Variants in ZNF644 observed in about 807,000 individuals in gnomAD.
ZNF644 encodes the protein zinc finger protein 644, also known as zinc finger motif enhancer binding protein 2.
In ZNF644, 20 loss-of-function variants were observed where a neutral mutation model predicts 108.0. The ratio of observed to expected loss-of-function variants is 0.19; its 90% CI spans 0.13 to 0.27. The LOEUF (loss-of-function observed/expected upper bound fraction) is 0.27. Ranked by LOEUF, ZNF644 falls within the 10% of genes least tolerant of loss-of-function variation. ZNF644 has a pLI of 1.00. For synonymous variants in ZNF644, 542 were observed against 539.1 expected, an observed-to-expected ratio of 1.01 and a Z score of -0.08; for missense variants, 1,338 against 1,548.9, an observed-to-expected ratio of 0.86 and a Z score of 2.29.
rs536335393 is a variant in ZNF644 at position 90,952,519 on chromosome 1, A to G, written c.45-11210T>C. Among the ~76,000 whole-genome samples, 401 of 152,338 alleles carry G rather than the reference A, an allele frequency of 2.6e-3. 1 individual carries two copies. The highest frequency in any genetic ancestry group is 4.1e-3 in the Non-Finnish European group (282 of 68,032). On this transcript the variant is annotated intron_variant, in intron 2 of 5. Transcript: ENST00000337393. ...TTATAAAATCTGAGAATGTATTACA[A>G]TGACCACTGAGAAGCTTCCAACAGA...
chr1:90,999,604 C>A (rs983266586), intron 1 of ZNF644, among the ~76,000 whole-genome samples: 17 of 152,136 alleles, frequency 1.1e-4, no homozygotes, highest in Non-Finnish European at 2.2e-4. Context: ...TAAAGACCAT[C>A]GATGCAAGGA....
chr1:90,968,149 G>A (rs968197589), intron 2 of ZNF644, among the ~76,000 whole-genome samples: 2 of 150,214 alleles, frequency 1.3e-5, no homozygotes, highest in Non-Finnish European at 3.0e-5. Flanking sequence ...AATAGAAATT[G>A]TCATTATACA....
intron 1 of ZNF644, among the ~76,000 whole-genome samples, chr1:91,014,997 G>A (rs988198347): frequency 1.3e-5 from 2 of 152,106 alleles, no homozygotes; most frequent in Non-Finnish European, 2.9e-5. Flanking sequence ...AAAGAATATA[G>A]TAGATGCTTA....
chr1:90,961,000 C>G (rs1032666216), intron 2 of ZNF644, among the ~76,000 whole-genome samples: 13 of 150,248 alleles, frequency 8.7e-5, no homozygotes, highest in Admixed American at 6.6e-5. Context: ...TCACTACAGA[C>G]CTACACTAAA....
At chr1:90,998,883 G>A (rs61799225) in intron 1 of ZNF644, among the ~76,000 whole-genome samples, 4,363 of 152,282 alleles carry the variant, frequency 0.029, 102 homozygotes, top group Middle Eastern at 0.099. Context: ...ACCATGGCAC[G>A]AGAACTACGT....
intron 1 of ZNF644, among the ~76,000 whole-genome samples, chr1:90,982,932 T>TC (rs540283302): frequency 8.6e-4 from 131 of 152,070 alleles, no homozygotes; most frequent in African/African-American, 2.9e-3. Flanking sequence ...GTATCAATAC[T>TC]CCCCATCTTC....
At chr1:90,996,769 G>C (rs544127332) in intron 1 of ZNF644, among the ~76,000 whole-genome samples, 1 of 152,164 alleles carries the variant, frequency 6.6e-6, no homozygotes, top group African/African-American at 2.4e-5. Context: ...CACAGAGCCA[G>C]GCCCCACTGC....
At chr1:91,006,006 C>T (rs1322524988) in intron 1 of ZNF644, among the ~76,000 whole-genome samples, 1 of 151,748 alleles carries the variant, frequency 6.6e-6, no homozygotes, top group African/African-American at 2.4e-5. Flanking sequence ...AAACCTTTAG[C>T]TCAACTAAGA....
In ZNF644 at chr1:90,940,910, T is replaced by A. The variant is rs1156747018; in HGVS notation, c.444A>T (p.Thr148=). 1 of 1,614,096 alleles carries A rather than the reference T, an allele frequency of 6.2e-7. No individual in the cohort carries two copies. The highest frequency in any genetic ancestry group is 1.6e-4 in the Middle Eastern group (1 of 6,062). The change falls in exon 3 of 6, where the codon ACA becomes ACT. Residue 148 remains threonine, a synonymous_variant. Transcript: ENST00000337393. ...CCTTCAAAGTTGAACAAGATTCTGT[T>A]GTTGGCTGATCCACAGGCTGTCCAG... The part of the protein sequence containing the change: ...LTTGQPVDQP[T]TESCSTLKVA...
chr1:90,916,567 C>G lies in ZNF644; in HGVS notation c.*231G>C. The G allele has an allele frequency of 1.9e-6, 1 of 532,254 alleles. No homozygotes were observed. The highest frequency in any genetic ancestry group is 3.3e-6 in the Non-Finnish European group (1 of 299,426). The allele number at this position is 532,254 out of a possible 1,614,324, so 33.0% of individuals were successfully genotyped here. ...GTACTGCTCTTTTACTGAGTGAACA[C>G]AGTTAACCAACAAAACTTCATAAAC... On this transcript the variant is annotated 3_prime_UTR_variant, in exon 6 of 6. Coordinates refer to ENST00000337393, the MANE Select transcript of ZNF644 (RefSeq NM_201269.3).
intron 2 of ZNF644, among the ~76,000 whole-genome samples, chr1:90,964,345 T>C (rs1254502156): frequency 1.3e-5 from 2 of 152,144 alleles, no homozygotes; most frequent in African/African-American, 4.8e-5. Flanking sequence ...TTTTCTCACA[T>C]TTAGACAAAG....
intron 4 of ZNF644, among the ~76,000 whole-genome samples, chr1:90,927,360 C>T (rs773144413): frequency 1.2e-4 from 18 of 152,008 alleles, no homozygotes; most frequent in African/African-American, 3.6e-4. Context: ...AAAAATCAGC[C>T]GATCATTTTT....
rs1648803343 is a variant in ZNF644, at chr1:90,916,692, T to C, written c.*106A>G. The stretch of plus-strand genomic sequence containing the variant: ...GTCACTGTAATTCACTTTCCCCCCA[T>C]TTTCCTGCTTTAGTATTTATAAACA... On this transcript the variant is annotated 3_prime_UTR_variant, in exon 6 of 6. Transcript: ENST00000337393. 1 of 1,267,900 alleles carries C rather than the reference T, an allele frequency of 7.9e-7. No individual in the cohort carries two copies. Among genetic ancestry groups the C allele is most frequent in the Non-Finnish European group, 1.1e-6 (1 of 889,056 alleles). The allele number at this position is 1,267,900 out of a possible 1,614,324, so 78.5% of individuals were successfully genotyped here.
At chr1:90,999,062 C>T (rs865835829) in intron 1 of ZNF644, among the ~76,000 whole-genome samples, 5 of 152,142 alleles carry the variant, frequency 3.3e-5, no homozygotes, top group East Asian at 1.9e-4. Flanking sequence ...CAAATCTACG[C>T]CTGATTGGTG....
chr1:90,999,769 C>T (rs1396101327), intron 1 of ZNF644, among the ~76,000 whole-genome samples: 1 of 152,176 alleles, frequency 6.6e-6, no homozygotes, highest in East Asian at 1.9e-4. Flanking sequence ...CAAGACCCAT[C>T]AGTGTGCTGT....
chr1:91,003,760 G>A (rs1322165676), intron 1 of ZNF644, among the ~76,000 whole-genome samples: 1 of 152,048 alleles, frequency 6.6e-6, no homozygotes, highest in African/African-American at 2.4e-5. Flanking sequence ...TCACAAAACT[G>A]TCCCTGAGGA....
At chr1:91,007,255 A>G (rs1351519945) in intron 1 of ZNF644, among the ~76,000 whole-genome samples, 1 of 45,866 alleles carries the variant, frequency 2.2e-5, no homozygotes, top group Non-Finnish European at 3.7e-5. Context: ...TTTTTTTTTG[A>G]GACAGTGTCT....
intron 1 of ZNF644, among the ~76,000 whole-genome samples, chr1:90,999,051 C>G (rs1247711391): frequency 2.0e-5 from 3 of 152,124 alleles, no homozygotes; most frequent in Non-Finnish European, 4.4e-5. Context: ...TGTGAAAAGA[C>G]CAAATCTACG....
intron 1 of ZNF644, among the ~76,000 whole-genome samples, chr1:90,999,763 A>C (rs1448514566): frequency 6.6e-6 from 1 of 152,186 alleles, no homozygotes; most frequent in Non-Finnish European, 1.5e-5. Flanking sequence ...AAGAGTCAAG[A>C]CCCATCAGTG....
Sources: gnomAD v4.1 joint callset for allele counts (sites outside exome capture counted in the v4.1 genomes callset) on GRCh38, gnomAD v4.1.1 for gene constraint, MANE v1.5 for transcripts, NCBI Gene and HGNC (gene_info 2026-07-23, HGNC 2026-07-21) for gene names.